The following PAMR1 variants were observed in gnomAD, a reference collection of about 807,000 sequenced individuals.
PAMR1 encodes the protein peptidase domain containing associated with muscle regeneration 1.
A neutral mutation model predicts 81.8 loss-of-function variants in PAMR1; 88 were observed. The observed-to-expected ratio is 1.08, with a 90% CI of 0.91 to 1.28. PAMR1 has a LOEUF of 1.28. Among genes scored for constraint, PAMR1 ranks in the 50% most tolerant of loss-of-function variants. The probability of loss-of-function intolerance (pLI) is 0.00; values close to 1 mark genes in which losing one functional copy is unlikely to be tolerated. For missense variants in PAMR1, 935 were observed against 919.7 expected (o/e 1.02, Z -0.21); for synonymous variants, 336 against 345.3 (o/e 0.97, Z 0.30).
In PAMR1 at chr11:35,432,655, C is replaced by A. The variant is rs749326535; in HGVS notation, c.1864G>T (p.Val622Phe). The A allele has an allele frequency of 1.9e-6, 3 of 1,614,002 alleles. No individual in the cohort carries two copies. The South Asian group carries it at 3.3e-5, about 18-fold the overall frequency. ...CACAGCAGCGAGTCCACCACACTGA[C>A]CACCCCAGAGCGCAGTGTGTCGTTC... is the stretch of plus-strand genomic sequence containing the variant. ...FKNDTLRSGV[V>F]SVVDSLLCEE... The change falls in exon 11 of 11, where the codon GTC becomes TTC. Residue 622 changes from valine (V) to phenylalanine (F), a missense_variant. Val to Phe is a conservative substitution (Grantham distance 50). Transcript: ENST00000619888.
At position 35,519,756 on chromosome 11, in the gene PAMR1, G is replaced by A. The variant is rs149956754; in HGVS notation, c.73+5757C>T. Among the ~76,000 whole-genome samples, 1,162 of 152,330 alleles carry A rather than the reference G, an allele frequency of 7.6e-3. 16 individuals are homozygous for A. Among genetic ancestry groups the A allele is most frequent in the African/African-American group, 0.027 (1,107 of 41,572 alleles). On this transcript the variant is annotated intron_variant, in intron 1 of 10. Coordinates refer to ENST00000619888, the MANE Select transcript of PAMR1 (RefSeq NM_001001991.3). ...ACAGGCCAATCTGGGCACTTGGGAT[G>A]TTCCAGGGATAATCAGACACCCTTA...
chr11:35,474,579 T>A, intron 4 of PAMR1, 51 bp downstream of exon 4: 1 of 1,057,588 alleles, frequency 9.5e-7, no homozygotes. Flanking sequence ...TCCATCCCAT[T>A]TCTGTATCCT....
chr11:35,498,030 A>G (rs542411817), intron 1 of PAMR1, among the ~76,000 whole-genome samples: 1 of 152,350 alleles, frequency 6.6e-6, no homozygotes, highest in East Asian at 1.9e-4. Flanking sequence ...TGAAAGTAGC[A>G]AAGACTATGA....
intron 1 of PAMR1, among the ~76,000 whole-genome samples, chr11:35,500,683 T>C: frequency 6.6e-6 from 1 of 152,242 alleles, no homozygotes; most frequent in South Asian, 2.1e-4. Flanking sequence ...ATACGTTCTG[T>C]GAAATGTGTC....
intron 8 of PAMR1, among the ~76,000 whole-genome samples, chr11:35,438,762 A>C (rs1361507175): frequency 6.6e-6 from 1 of 152,232 alleles, no homozygotes; most frequent in Non-Finnish European, 1.5e-5. Flanking sequence ...GAGAGATGCT[A>C]AGATAAAAAC....
intron 3 of PAMR1, among the ~76,000 whole-genome samples, chr11:35,482,978 G>C (rs1168404094): frequency 1.3e-5 from 2 of 152,094 alleles, no homozygotes; most frequent in Non-Finnish European, 2.9e-5. Flanking sequence ...TTTCTTGTTT[G>C]AAAATTTCCA....
At chr11:35,469,570 C>T (rs1415758013) in intron 5 of PAMR1, among the ~76,000 whole-genome samples, 2 of 152,228 alleles carry the variant, frequency 1.3e-5, no homozygotes, top group East Asian at 1.9e-4. Context: ...CACAGCTCCA[C>T]AGGGGGCAGG....
chr11:35,509,867 C>A (rs1319519322), intron 1 of PAMR1, among the ~76,000 whole-genome samples: 2 of 152,212 alleles, frequency 1.3e-5, no homozygotes, highest in Admixed American at 1.3e-4. Flanking sequence ...GCAAACTTAA[C>A]TTTGCTTTTC....
chr11:35,502,785 G>T (rs112590511), intron 1 of PAMR1, among the ~76,000 whole-genome samples: 1 of 151,826 alleles, frequency 6.6e-6, no homozygotes, highest in Non-Finnish European at 1.5e-5. Flanking sequence ...TCATTCTGTG[G>T]TTGTCTCTTC....
chr11:35,512,977 T>G (rs879841485), intron 1 of PAMR1, among the ~76,000 whole-genome samples: 3 of 151,972 alleles, frequency 2.0e-5, no homozygotes, highest in Non-Finnish European at 4.4e-5. Flanking sequence ...GGTGACAGAG[T>G]GAGACCCTGT....
intron 1 of PAMR1, among the ~76,000 whole-genome samples, chr11:35,523,404 G>A (rs375422818): frequency 5.3e-5 from 8 of 152,094 alleles, no homozygotes; most frequent in African/African-American, 1.4e-4. Context: ...TTTCCTCTTC[G>A]GCAGAATCAC....
chr11:35,516,726 G>A (rs16927593), intron 1 of PAMR1, among the ~76,000 whole-genome samples: 95 of 152,306 alleles, frequency 6.2e-4, no homozygotes, highest in African/African-American at 2.2e-3. Flanking sequence ...CCACTTTCAG[G>A]TTGTGCAAAT....
chr11:35,510,575 G>C (rs1227075471), intron 1 of PAMR1, among the ~76,000 whole-genome samples: 1 of 149,758 alleles, frequency 6.7e-6, no homozygotes, highest in African/African-American at 2.5e-5. Flanking sequence ...AAGGTATTCA[G>C]AAAAGATGTC....
intron 5 of PAMR1, among the ~76,000 whole-genome samples, chr11:35,469,615 C>G (rs1034241204): frequency 1.3e-5 from 2 of 152,188 alleles, no homozygotes; most frequent in Non-Finnish European, 2.9e-5. Flanking sequence ...CTGAGAGTTC[C>G]TGTAGGCAGC....
chr11:35,476,314 T>C (rs895644532), intron 3 of PAMR1, among the ~76,000 whole-genome samples: 2 of 152,184 alleles, frequency 1.3e-5, no homozygotes, highest in African/African-American at 4.8e-5. Flanking sequence ...CCAAATCTCA[T>C]CTTTGTAGTT....
intron 6 of PAMR1, among the ~76,000 whole-genome samples, chr11:35,456,398 T>G (rs1311947064): frequency 6.6e-6 from 1 of 152,206 alleles, no homozygotes; most frequent in Non-Finnish European, 1.5e-5. Context: ...CCTGCCGTGC[T>G]GTCTGAAAAG....
intron 3 of PAMR1, among the ~76,000 whole-genome samples, chr11:35,487,913 T>C (rs1330384450): frequency 1.3e-5 from 2 of 152,220 alleles, no homozygotes; most frequent in African/African-American, 4.8e-5. Flanking sequence ...AAACAAGACA[T>C]GGCACATAAA....
intron 10 of PAMR1, 120 bp downstream of exon 10, chr11:35,434,392 G>A (rs1336521836): frequency 1.4e-5 from 13 of 909,488 alleles, no homozygotes; most frequent in Non-Finnish European, 2.0e-5. Context: ...TGCTATATGC[G>A]AGGCTCTGGG....
chr11:35,506,761 T>C (rs1043594822), intron 1 of PAMR1, among the ~76,000 whole-genome samples: 23 of 152,088 alleles, frequency 1.5e-4, no homozygotes, highest in African/African-American at 5.3e-4. Context: ...TTTTAAGAGT[T>C]TGATTAGCAT....
Sources: allele counts gnomAD v4.1 joint callset (sites outside exome capture counted in the v4.1 genomes callset), GRCh38; gene constraint gnomAD v4.1.1; transcripts MANE v1.5; gene names NCBI Gene and HGNC (gene_info 2026-07-23, HGNC 2026-07-21).